The following DSCAM variants were observed in gnomAD, a reference collection of about 807,000 sequenced individuals.
DSCAM encodes the protein DS cell adhesion molecule.
Under a neutral mutation model 217.7 loss-of-function variants are expected in DSCAM, and 47 were observed. The ratio of observed to expected loss-of-function variants is 0.22; its 90% CI spans 0.17 to 0.28. The LOEUF (loss-of-function observed/expected upper bound fraction) is 0.28, where lower values mean the gene tolerates loss of function less well. Among genes scored for constraint, DSCAM ranks in the 10% least tolerant of loss-of-function variants. The probability of loss-of-function intolerance (pLI) is 1.00; values close to 1 mark genes in which losing one functional copy is unlikely to be tolerated. For missense variants in DSCAM, 2,080 were observed against 2,618.3 expected (o/e 0.79, Z 4.49); for synonymous variants, 1,056 against 1,015.3 (o/e 1.04, Z -0.76).
At chr21:40,435,469 C>A (rs1296847453) in intron 3 of DSCAM, among the ~76,000 whole-genome samples, 1 of 151,636 alleles carries the variant, frequency 6.6e-6, no homozygotes. Flanking sequence ...TTATAACAAA[C>A]CTGAACATGT....
chr21:40,749,589 A>C (rs948497734), intron 1 of DSCAM, among the ~76,000 whole-genome samples: 1 of 152,202 alleles, frequency 6.6e-6, no homozygotes, highest in Non-Finnish European at 1.5e-5. Flanking sequence ...GCTGGTGAGG[A>C]TGTGGAGAAA....
chr21:40,226,117 A>G (rs546362135), intron 11 of DSCAM, among the ~76,000 whole-genome samples: 7 of 152,302 alleles, frequency 4.6e-5, no homozygotes, highest in African/African-American at 1.4e-4. Context: ...GGAGAAACTA[A>G]GGCTGGAAGA....
chr21:40,674,757 C>T (rs751223044), intron 3 of DSCAM, among the ~76,000 whole-genome samples: 5 of 151,658 alleles, frequency 3.3e-5, no homozygotes, highest in South Asian at 2.1e-4. Flanking sequence ...CTCAGCCTCC[C>T]GGGTAGTTGG....
At chr21:40,809,458 TTAAGAATC>T (rs1315875822) in intron 1 of DSCAM, among the ~76,000 whole-genome samples, 24 of 149,996 alleles carry the variant, frequency 1.6e-4, no homozygotes, top group African/African-American at 6.0e-4. Context: ...TGTGAACTTG[TTAAGAATC>T]AGAGAATCAT....
chr21:40,069,253 G>C (rs2089254853), intron 27 of DSCAM, among the ~76,000 whole-genome samples: 1 of 152,212 alleles, frequency 6.6e-6, no homozygotes, highest in Non-Finnish European at 1.5e-5. Context: ...TTAGTAGCCT[G>C]TGGATTAGTA....
intron 32 of DSCAM, among the ~76,000 whole-genome samples, chr21:40,029,862 G>A (rs2088483748): frequency 6.6e-6 from 1 of 152,100 alleles, no homozygotes; most frequent in Non-Finnish European, 1.5e-5. Context: ...AGGCAGCTGG[G>A]GTGCCAAGCC....
chr21:40,486,185 TAAC>T, intron 3 of DSCAM, among the ~76,000 whole-genome samples: 1 of 152,286 alleles, frequency 6.6e-6, no homozygotes, highest in African/African-American at 2.4e-5. Flanking sequence ...GAATATACAG[TAAC>T]ACAGTCAACA....
chr21:40,532,868 C>CTGTGTG (rs58575678), intron 3 of DSCAM, among the ~76,000 whole-genome samples: 62 of 146,030 alleles, frequency 4.2e-4, no homozygotes, highest in Middle Eastern at 3.5e-3. Context: ...CCACAAGGCT[C>CTGTGTG]TGTGTGTGTG....
intron 3 of DSCAM, among the ~76,000 whole-genome samples, chr21:40,481,206 C>T (rs1266672923): frequency 6.6e-6 from 1 of 152,130 alleles, no homozygotes. Context: ...ACCACAAGAA[C>T]AGGCCGGGTG....
chr21:40,776,140 G>A (rs1223125777), intron 1 of DSCAM, among the ~76,000 whole-genome samples: 5 of 151,900 alleles, frequency 3.3e-5, no homozygotes, highest in Non-Finnish European at 7.4e-5. Flanking sequence ...GGCCTATCAT[G>A]TTTCTCGATG....
intron 32 of DSCAM, among the ~76,000 whole-genome samples, chr21:40,037,786 C>A (rs1190287087): frequency 7.0e-6 from 1 of 142,276 alleles, no homozygotes; most frequent in Non-Finnish European, 1.5e-5. Context: ...GCTACAGTAA[C>A]CAAAACAGCA....
At chr21:40,521,524 G>A (rs2076358846) in intron 3 of DSCAM, among the ~76,000 whole-genome samples, 1 of 152,000 alleles carries the variant, frequency 6.6e-6, no homozygotes, top group Admixed American at 6.6e-5. Flanking sequence ...TGCTGAGAAT[G>A]TTTTCATATA....
chr21:40,312,034 T>C (rs1389516132), intron 9 of DSCAM, 47 bp downstream of exon 9: 1 of 1,493,328 alleles, frequency 6.7e-7, no homozygotes, highest in Non-Finnish European at 9.1e-7. Context: ...TAAACCATTG[T>C]TAAATCAACT....
chr21:40,286,596 G>A (rs993305860), intron 10 of DSCAM, among the ~76,000 whole-genome samples: 4 of 152,218 alleles, frequency 2.6e-5, no homozygotes, highest in African/African-American at 7.2e-5. Flanking sequence ...TTTTATTTAA[G>A]CAAATTTCTG....
intron 3 of DSCAM, among the ~76,000 whole-genome samples, chr21:40,376,116 A>G (rs752733099): frequency 2.0e-5 from 3 of 152,144 alleles, no homozygotes; most frequent in Non-Finnish European, 2.9e-5. Flanking sequence ...ATTGCAGTCT[A>G]TATGAATTGA....
chr21:40,645,362 G>T (rs2089933312), intron 3 of DSCAM, among the ~76,000 whole-genome samples: 1 of 152,130 alleles, frequency 6.6e-6, no homozygotes, highest in Non-Finnish European at 1.5e-5. Context: ...TATAAATCAT[G>T]AACCAAGAGT....
In DSCAM at chr21:40,645,453, A is replaced by G. The variant is rs189727638; in HGVS notation, c.508+47357T>C. Among the ~76,000 whole-genome samples the G allele has an allele frequency of 3.3e-5, 5 of 152,348 alleles. 1 individual carries two copies. The highest frequency in any genetic ancestry group is 3.3e-4 in the Admixed American group (5 of 15,300). The stretch of plus-strand genomic sequence containing the variant: ...GAAGGCTGTTAATTGAATTAGGGTA[A>G]AATAGTGAAAATTGGAACTGATCCA... On this transcript the variant is annotated intron_variant, in intron 3 of 32. Coordinates refer to ENST00000400454, the MANE Select transcript of DSCAM (RefSeq NM_001389.5).
intron 3 of DSCAM, among the ~76,000 whole-genome samples, chr21:40,387,013 C>T (rs2075092520): frequency 6.6e-6 from 1 of 152,032 alleles, no homozygotes; most frequent in Admixed American, 6.5e-5. Context: ...AGTGAATCAG[C>T]AGTGAGTTGT....
At chr21:40,711,402 C>T (rs1014121975) in intron 1 of DSCAM, among the ~76,000 whole-genome samples, 2 of 152,186 alleles carry the variant, frequency 1.3e-5, no homozygotes, top group African/African-American at 2.4e-5. Context: ...TGATTGGACT[C>T]ATCTTATAAT....
Sources: gnomAD v4.1 joint callset for allele counts (sites outside exome capture counted in the v4.1 genomes callset) on GRCh38, gnomAD v4.1.1 for gene constraint, MANE v1.5 for transcripts, NCBI Gene and HGNC (gene_info 2026-07-23, HGNC 2026-07-21) for gene names.